KDM4C: variants seen among roughly 807,000 people sequenced by gnomAD.
KDM4C encodes lysine demethylase 4C, also known as lysine-specific demethylase 4C.
A neutral mutation model predicts 129.3 loss-of-function variants in KDM4C; 81 were observed. That is an observed-to-expected ratio of 0.63 (90% confidence interval 0.52 to 0.75). KDM4C has a LOEUF of 0.75. KDM4C is among the 30% of genes least tolerant of loss of function. KDM4C has a pLI of 0.00. For synonymous variants in KDM4C, 573 were observed against 456.1 expected, an observed-to-expected ratio of 1.26 and a Z score of -3.26; for missense variants, 1,457 against 1,304.0, an observed-to-expected ratio of 1.12 and a Z score of -1.81.
At chr9:7,153,289 A>C (rs997969918) in intron 19 of KDM4C, among the ~76,000 whole-genome samples, 4 of 152,162 alleles carry the variant, frequency 2.6e-5, no homozygotes, top group African/African-American at 9.7e-5. Context: ...CTCTACATGA[A>C]GGGTGCTTAT....
At chr9:6,830,430 G>C (rs981683369) in intron 4 of KDM4C, among the ~76,000 whole-genome samples, 1 of 152,168 alleles carries the variant, frequency 6.6e-6, no homozygotes, top group African/African-American at 2.4e-5. Context: ...CCAGCTGTCA[G>C]TGGGCTTTTG....
At chr9:7,080,720 A>T (rs1045056645) in intron 17 of KDM4C, among the ~76,000 whole-genome samples, 2 of 152,240 alleles carry the variant, frequency 1.3e-5, no homozygotes, top group African/African-American at 4.8e-5. Context: ...ACATATAATT[A>T]TATTCTGGAA....
intron 18 of KDM4C, among the ~76,000 whole-genome samples, chr9:7,124,717 C>G (rs1324628597): frequency 6.6e-6 from 1 of 152,106 alleles, no homozygotes; most frequent in African/African-American, 2.4e-5. Context: ...TGTGCTTTGT[C>G]AAATGTTTAC....
chr9:6,760,466 A>AG (rs1819203311), intron 1 of KDM4C, among the ~76,000 whole-genome samples: 1 of 115,564 alleles, frequency 8.7e-6, no homozygotes, highest in African/African-American at 3.7e-5. Context: ...TATATATATA[A>AG]TGTAATTGCT....
At chr9:6,759,017 C>G (rs1028816110) in intron 1 of KDM4C, among the ~76,000 whole-genome samples, 7 of 147,838 alleles carry the variant, frequency 4.7e-5, no homozygotes, top group Non-Finnish European at 8.9e-5. Flanking sequence ...GCGGTGCAAG[C>G]CTGCGCTGGC....
At chr9:6,964,369 T>C (rs1830541459) in intron 8 of KDM4C, among the ~76,000 whole-genome samples, 1 of 152,154 alleles carries the variant, frequency 6.6e-6, no homozygotes, top group African/African-American at 2.4e-5. Flanking sequence ...GATAGTTTGC[T>C]GAGAATGATG....
intron 1 of KDM4C, among the ~76,000 whole-genome samples, chr9:6,725,687 CTTTCTTTTCTTTTCT>C (rs141556812): frequency 7.3e-6 from 1 of 137,748 alleles, no homozygotes; most frequent in Admixed American, 7.8e-5. Context: ...GATTGGGTTT[CTTTCTTTTCTTTTCT>C]TTTCTTTTCT....
At chr9:6,987,452 A>G (rs1469868925) in intron 11 of KDM4C, among the ~76,000 whole-genome samples, 6 of 152,214 alleles carry the variant, frequency 3.9e-5, no homozygotes, top group South Asian at 2.1e-4. Flanking sequence ...GACTGTCTGT[A>G]GCGATTGTCA....
intron 15 of KDM4C, among the ~76,000 whole-genome samples, chr9:7,037,210 A>G (rs1827806448): frequency 1.3e-5 from 2 of 152,192 alleles, no homozygotes; most frequent in South Asian, 4.1e-4. Context: ...AACGTGTCAG[A>G]TAAATGAGGG....
At chr9:6,770,814 C>T (rs751214541) in intron 1 of KDM4C, among the ~76,000 whole-genome samples, 10 of 126,058 alleles carry the variant, frequency 7.9e-5, no homozygotes, top group Non-Finnish European at 1.1e-4. Context: ...CTCGCTCTGT[C>T]GCTCAGGCTG....
chr9:7,040,639 T>TA (rs908495060), intron 15 of KDM4C, among the ~76,000 whole-genome samples: 2 of 151,786 alleles, frequency 1.3e-5, no homozygotes, highest in Non-Finnish European at 2.9e-5. Flanking sequence ...CCTTTTTTTT[T>TA]AAAAGGTTGT....
chr9:7,101,775 A>G (rs1475150727), intron 17 of KDM4C, among the ~76,000 whole-genome samples: 2 of 152,202 alleles, frequency 1.3e-5, no homozygotes, highest in African/African-American at 4.8e-5. Context: ...CCTACTCTTA[A>G]AAGATCTTAA....
chr9:6,894,634 G>A (rs1464401008), intron 8 of KDM4C, among the ~76,000 whole-genome samples: 1 of 152,200 alleles, frequency 6.6e-6, no homozygotes, highest in Non-Finnish European at 1.5e-5. Flanking sequence ...GGCCAGAATA[G>A]GACATTCCAG....
intron 21 of KDM4C, among the ~76,000 whole-genome samples, chr9:7,171,524 T>G (rs1250698117): frequency 6.6e-6 from 1 of 152,126 alleles, no homozygotes; most frequent in Non-Finnish European, 1.5e-5. Context: ...ACCTAGAGAT[T>G]TAGAGGATGG....
At chr9:6,770,215 C>CA (rs202070043) in intron 1 of KDM4C, among the ~76,000 whole-genome samples, 5,319 of 134,118 alleles carry the variant, frequency 0.04, 97 homozygotes, top group Middle Eastern at 0.059. Context: ...CAAAAAACAC[C>CA]AAAAAAAAAA....
intron 17 of KDM4C, among the ~76,000 whole-genome samples, chr9:7,085,063 T>G (rs1834956121): frequency 6.6e-6 from 1 of 152,158 alleles, no homozygotes; most frequent in Non-Finnish European, 1.5e-5. Flanking sequence ...GGGAAAACAG[T>G]TACCCAGGTA....
intron 5 of KDM4C, among the ~76,000 whole-genome samples, chr9:6,856,608 C>G (rs1471178568): frequency 6.6e-6 from 1 of 150,392 alleles, no homozygotes; most frequent in African/African-American, 2.5e-5. Context: ...GAGTCTCACT[C>G]TGTTTCCCGG....
intron 8 of KDM4C, among the ~76,000 whole-genome samples, chr9:6,907,703 A>G (rs1818571503): frequency 6.6e-6 from 1 of 152,246 alleles, no homozygotes; most frequent in Admixed American, 6.5e-5. Context: ...CAGCACTAAT[A>G]CAATTACTAA....
At position 6,957,322 on chromosome 9, in the gene KDM4C, C is replaced by A. The variant is rs111349316; in HGVS notation, c.922-23603C>A. Among the ~76,000 whole-genome samples the A allele has an allele frequency of 9.7e-4, 147 of 152,224 alleles. 1 individual carries two copies. Among genetic ancestry groups the A allele is most frequent in the African/African-American group, 3.4e-3 (143 of 41,530 alleles). ...TTATAAATATTGTGCACTAACCCTA[C>A]CATCTATTTTCTTTACAAGATGACT... On this transcript the variant is annotated intron_variant, in intron 8 of 21. Transcript: ENST00000381309.
Sources: allele counts gnomAD v4.1 joint callset (sites outside exome capture counted in the v4.1 genomes callset), GRCh38; gene constraint gnomAD v4.1.1; transcripts MANE v1.5; gene names NCBI Gene and HGNC (gene_info 2026-07-23, HGNC 2026-07-21).